Variants in ADD3 observed in about 807,000 individuals in gnomAD.
ADD3 encodes adducin 3.
ADD3 carries 25 observed loss-of-function variants against 80.2 expected under a neutral mutation model. The ratio of observed to expected loss-of-function variants is 0.31; its 90% CI spans 0.23 to 0.44. ADD3 has a LOEUF of 0.44. ADD3 is among the 20% of genes least tolerant of loss of function. ADD3 has a pLI of 1.00. For synonymous variants in ADD3, 284 were observed against 289.6 expected, an observed-to-expected ratio of 0.98 and a Z score of 0.20; for missense variants, 829 against 847.5, an observed-to-expected ratio of 0.98 and a Z score of 0.27.
intron 1 of ADD3, among the ~76,000 whole-genome samples, chr10:110,086,094 G>A (rs1017906465): frequency 1.4e-5 from 2 of 145,880 alleles, no homozygotes; most frequent in African/African-American, 5.1e-5. Context: ...GACAAAGAGC[G>A]AAACTCCGTC....
At chr10:110,047,833 G>A (rs1278810495) in intron 1 of ADD3, among the ~76,000 whole-genome samples, 2 of 152,208 alleles carry the variant, frequency 1.3e-5, no homozygotes, top group Non-Finnish European at 2.9e-5. Flanking sequence ...AGTGTCTTCA[G>A]CTGGTAAGGT....
intron 1 of ADD3, among the ~76,000 whole-genome samples, chr10:110,047,164 T>C (rs1418663380): frequency 6.6e-6 from 1 of 152,210 alleles, no homozygotes; most frequent in Non-Finnish European, 1.5e-5. Context: ...TCATTATCTT[T>C]CCATTTACCT....
chr10:110,109,296 C>T (rs184151766), intron 2 of ADD3, among the ~76,000 whole-genome samples: 33 of 152,216 alleles, frequency 2.2e-4, no homozygotes, highest in African/African-American at 7.9e-4. Flanking sequence ...TGTTGGCTGC[C>T]AGAGTTGAGA....
chr10:110,020,491 A>G (rs1378841302), intron 1 of ADD3, among the ~76,000 whole-genome samples: 1 of 152,012 alleles, frequency 6.6e-6, no homozygotes, highest in Non-Finnish European at 1.5e-5. Flanking sequence ...GCGGGGAAGA[A>G]CATTGCAGGC....
intron 9 of ADD3, among the ~76,000 whole-genome samples, chr10:110,122,797 T>A (rs909508638): frequency 7.9e-5 from 12 of 152,030 alleles, no homozygotes; most frequent in Admixed American, 2.0e-4. Context: ...AATTTATTTT[T>A]TTTTTTTTAC....
At chr10:110,053,762 A>G (rs925715051) in intron 1 of ADD3, among the ~76,000 whole-genome samples, 6 of 152,346 alleles carry the variant, frequency 3.9e-5, no homozygotes, top group East Asian at 1.9e-4. Context: ...GAAAACTCCA[A>G]TTCTCATGTA....
intron 1 of ADD3, among the ~76,000 whole-genome samples, chr10:110,065,509 TCTCA>T (rs1843797891): frequency 7.1e-6 from 1 of 140,704 alleles, no homozygotes; most frequent in Non-Finnish European, 1.5e-5. Flanking sequence ...TCTCTCTCTC[TCTCA>T]TTTTTTCTTA....
intron 1 of ADD3, among the ~76,000 whole-genome samples, chr10:110,083,592 C>T (rs1326360729): frequency 2.0e-5 from 3 of 151,928 alleles, no homozygotes; most frequent in Non-Finnish European, 2.9e-5. Flanking sequence ...TAGGAAGAGT[C>T]ATTTCCCTCT....
At chr10:110,017,294 CTGT>C (rs974012699) in intron 1 of ADD3, among the ~76,000 whole-genome samples, 2 of 152,146 alleles carry the variant, frequency 1.3e-5, no homozygotes, top group Non-Finnish European at 2.9e-5. Context: ...TTCTTGGTTT[CTGT>C]TGTTGTTTTT....
At chr10:110,118,019 T>TACAC (rs148105742) in intron 5 of ADD3, among the ~76,000 whole-genome samples, 4,883 of 125,586 alleles carry the variant, frequency 0.039, 126 homozygotes, top group East Asian at 0.048. Flanking sequence ...CTGTCTTCAA[T>TACAC]ACACACACAC....
chr10:110,097,806 G>A (rs1303047952), intron 1 of ADD3, among the ~76,000 whole-genome samples: 4 of 145,344 alleles, frequency 2.8e-5, no homozygotes, highest in African/African-American at 7.9e-5. Flanking sequence ...ATAGAGTCTC[G>A]CTCTGTCACC....
At chr10:110,015,641 T>A (rs1852888639) in intron 1 of ADD3, among the ~76,000 whole-genome samples, 1 of 152,158 alleles carries the variant, frequency 6.6e-6, no homozygotes, top group Admixed American at 6.5e-5. Context: ...CCCAAAGTTC[T>A]GGGATTACAG....
chr10:110,018,749 C>T (rs774178926), intron 1 of ADD3, among the ~76,000 whole-genome samples: 1 of 152,134 alleles, frequency 6.6e-6, no homozygotes, highest in Non-Finnish European at 1.5e-5. Flanking sequence ...CACTATAAGG[C>T]ATTTAACAGC....
At chr10:110,122,370 A>G (rs1410667636) in intron 9 of ADD3, 78 bp downstream of exon 9, 15 of 1,338,030 alleles carry the variant, frequency 1.1e-5, no homozygotes, top group African/African-American at 1.5e-5. Context: ...TTTGTAGAAC[A>G]TGCTCCATAC....
upstream of ADD3, among the ~76,000 whole-genome samples, chr10:110,005,331 A>AT (rs1851583896): frequency 1.3e-5 from 2 of 152,194 alleles, no homozygotes; most frequent in African/African-American, 4.8e-5. Context: ...AAGTGCTGGG[A>AT]TTACAGGCGT....
chr10:110,126,191 A>G (rs911599188), intron 11 of ADD3, among the ~76,000 whole-genome samples: 21 of 152,238 alleles, frequency 1.4e-4, no homozygotes, highest in Non-Finnish European at 7.3e-5. Flanking sequence ...TTAGGGGGAA[A>G]ATGCAGTTCT....
At chr10:110,021,416 G>GT (rs1853656163) in intron 1 of ADD3, among the ~76,000 whole-genome samples, 1 of 152,124 alleles carries the variant, frequency 6.6e-6, no homozygotes, top group African/African-American at 2.4e-5. Flanking sequence ...TTGTACACTA[G>GT]TGACCATAGC....
chr10:110,045,981 G>C (rs2133345040), intron 1 of ADD3, among the ~76,000 whole-genome samples: 1 of 152,278 alleles, frequency 6.6e-6, no homozygotes, highest in East Asian at 1.9e-4. Context: ...TCAGTAAAAA[G>C]TGACCTCTCA....
At chr10:110,126,639 T>TCAC (rs1407057819) in intron 12 of ADD3, 136 bp downstream of exon 12, 1 of 646,618 alleles carries the variant, frequency 1.5e-6, no homozygotes, top group East Asian at 2.9e-5. Flanking sequence ...ATTTAAAATG[T>TCAC]CACCCACAAT....
Sources: gnomAD v4.1 joint callset for allele counts (sites outside exome capture counted in the v4.1 genomes callset) on GRCh38, gnomAD v4.1.1 for gene constraint, MANE v1.5 for transcripts, NCBI Gene and HGNC (gene_info 2026-07-23, HGNC 2026-07-21) for gene names.